Variants in RRM1 observed in about 807,000 individuals in gnomAD.
RRM1 encodes the protein ribonucleotide reductase catalytic subunit M1, also known as ribonucleoside-diphosphate reductase large subunit.
Under a neutral mutation model 101.5 loss-of-function variants are expected in RRM1, and 19 were observed. That is an observed-to-expected ratio of 0.19 (90% CI 0.13 to 0.27). The LOEUF (loss-of-function observed/expected upper bound fraction) is 0.27, where lower values mean the gene tolerates loss of function less well. Ranked by LOEUF, RRM1 falls within the 10% of genes least tolerant of loss-of-function variation. The pLI is 1.00. For missense variants in RRM1, 500 were observed against 962.9 expected, an observed-to-expected ratio of 0.52 and a Z score of 6.36; for synonymous variants, 298 against 323.4, an observed-to-expected ratio of 0.92 and a Z score of 0.84.
rs370863161 is a variant in RRM1, at chr11:4,106,133, A to G, written c.196A>G (p.Thr66Ala). ...LDTLAAETAA[T>A]LTTKHPDYAI... Reference sequence around the variant, plus strand: ...TACTTTGGCTGCTGAAACAGCTGCAACCTTGACTACTAAGCACCCTGACTA... The same window carrying G: ...TACTTTGGCTGCTGAAACAGCTGCAGCCTTGACTACTAAGCACCCTGACTA... Residue 66 changes from threonine to alanine, a missense_variant, in exon 3 of 19, where the codon ACC (threonine) becomes GCC (alanine). Physicochemically the swap from Thr to Ala is moderately conservative, Grantham distance 58 (BLOSUM62 0). Coordinates refer to ENST00000300738, the MANE Select transcript of RRM1 (RefSeq NM_001033.5). 3 of 1,614,050 alleles carry G rather than the reference A, an allele frequency of 1.9e-6. No homozygotes were observed. The highest frequency in any genetic ancestry group is 2.2e-5 in the East Asian group (1 of 44,878).
Position 4,095,024 on chromosome 11 carries a change from C to G in RRM1, c.12C>G (p.Ile4Met). The G allele has an allele frequency of 1.3e-6, 2 of 1,570,254 alleles. No homozygotes were observed. Among genetic ancestry groups the G allele is most frequent in the Non-Finnish European group, 1.7e-6 (2 of 1,157,676 alleles). MHV[I>M]KRDGRQERVM... ...AGCCACTAGCTGCGATGCATGTGATCAAGCGAGGTGAGGGGGGGACGAGGT... is the reference window on the plus strand; with the variant it reads ...AGCCACTAGCTGCGATGCATGTGATGAAGCGAGGTGAGGGGGGGACGAGGT... Residue 4 changes from isoleucine to methionine, a missense_variant, in exon 1 of 19, where the codon ATC becomes ATG. By Grantham distance (10) the Ile-to-Met change is conservative. Transcript: ENST00000300738.
chr11:4,101,802 C>A (rs2094551801), intron 1 of RRM1, 191 bp from the exon 2 acceptor site: 2 of 565,466 alleles, frequency 3.5e-6, no homozygotes, highest in Non-Finnish European at 6.2e-6. Context: ...GTATAGAATT[C>A]ATACTCTTTG....
At chr11:4,123,452 C>G (rs1590726745) in intron 12 of RRM1, 68 bp downstream of exon 12, 14 of 1,270,494 alleles carry the variant, frequency 1.1e-5, no homozygotes, top group Non-Finnish European at 1.6e-5. Flanking sequence ...TTGTGAATTC[C>G]TCACTTGATT....
chr11:4,111,770 A>G (rs1477755584), intron 6 of RRM1, 130 bp downstream of exon 6: 4 of 1,191,048 alleles, frequency 3.4e-6, no homozygotes, highest in African/African-American at 1.5e-5. Flanking sequence ...TAGTTTGTGG[A>G]TAATTGTCCT....
At chr11:4,114,721 G>A (rs1417009636) in intron 7 of RRM1, among the ~76,000 whole-genome samples, 1 of 151,950 alleles carries the variant, frequency 6.6e-6, no homozygotes, top group Non-Finnish European at 1.5e-5. Flanking sequence ...GACTTTTTTT[G>A]TTTGTTTTTA....
intron 15 of RRM1, among the ~76,000 whole-genome samples, chr11:4,130,086 A>ATATATATATATATTT (rs1202870487): frequency 5.0e-5 from 5 of 99,484 alleles, no homozygotes; most frequent in African/African-American, 2.7e-4. Flanking sequence ...ATATATATAT[A>ATATATATATATATTT]TTTTTTTTTT....
intron 1 of RRM1, among the ~76,000 whole-genome samples, chr11:4,101,749 G>A (rs1565178770): frequency 6.6e-6 from 1 of 152,136 alleles, no homozygotes; most frequent in Non-Finnish European, 1.5e-5. Flanking sequence ...CTGCCATGTG[G>A]GATGGGGGAA....
At chr11:4,127,320 A>T in intron 14 of RRM1, 64 bp downstream of exon 14, 1 of 987,330 alleles carries the variant, frequency 1.0e-6, no homozygotes, top group Non-Finnish European at 1.5e-6. Flanking sequence ...TGGTGACCCC[A>T]CAAAAGGATA....
intron 18 of RRM1, 126 bp downstream of exon 18, chr11:4,135,396 C>T (rs1380718052): frequency 1.6e-5 from 11 of 676,444 alleles, no homozygotes; most frequent in South Asian, 5.8e-5. Context: ...AAATCCAGAA[C>T]GTTAAAACCA....
At chr11:4,109,154 C>T (rs1280812749) in intron 4 of RRM1, among the ~76,000 whole-genome samples, 1 of 151,776 alleles carries the variant, frequency 6.6e-6, no homozygotes, top group Non-Finnish European at 1.5e-5. Flanking sequence ...AGCCTGCTTC[C>T]TGTCATTGTT....
At chr11:4,122,320 G>A (rs1756394857) in intron 11 of RRM1, 100 bp downstream of exon 11, 1 of 823,904 alleles carries the variant, frequency 1.2e-6, no homozygotes, top group African/African-American at 1.7e-5. Flanking sequence ...ATCTTTTGAA[G>A]CATCTAAGAG....
chr11:4,136,082 A>T (rs2094609199), intron 18 of RRM1, among the ~76,000 whole-genome samples: 1 of 152,092 alleles, frequency 6.6e-6, no homozygotes. Context: ...TTCCAAAGAG[A>T]TAAGCCTGTT....
In RRM1 at chr11:4,109,697, C is replaced by G; in HGVS notation, c.441C>G (p.Gly147=). The change falls in exon 5 of 19, where the codon GGC becomes GGG. Residue 147 remains glycine (G), a synonymous_variant. Coordinates refer to ENST00000300738, the MANE Select transcript of RRM1 (RefSeq NM_001033.5). ...GAGATTTCTCTTACAATTACTTCGG[C>G]TTTAAGGTAAATAATGGGTTTCAAG... The part of the protein sequence containing the change: ...YDRDFSYNYF[G]FKTLERSYLL... 1 of 1,603,652 alleles carries G rather than the reference C, an allele frequency of 6.2e-7. No homozygotes were observed. The highest frequency in any genetic ancestry group is 8.5e-7 in the Non-Finnish European group (1 of 1,173,588).
intron 16 of RRM1, among the ~76,000 whole-genome samples, chr11:4,133,034 A>T (rs549584140): frequency 1.3e-5 from 2 of 152,200 alleles, no homozygotes; most frequent in South Asian, 4.1e-4. Flanking sequence ...CAAACGCCAT[A>T]TGTTTCTTTT....
At chr11:4,121,852 G>A in intron 10 of RRM1, 87 bp downstream of exon 10, 3 of 1,285,556 alleles carry the variant, frequency 2.3e-6, no homozygotes, top group Non-Finnish European at 3.2e-6. Flanking sequence ...CTTAGGAAGA[G>A]CCCATATGTG....
At chr11:4,127,371 A>C in intron 14 of RRM1, 115 bp downstream of exon 14, 6 of 593,876 alleles carry the variant, frequency 1.0e-5, no homozygotes, top group Non-Finnish European at 1.6e-5. Context: ...ATTTAATTTC[A>C]TTTGGTTCAA....
At chr11:4,120,636 G>T (rs1354395581) in intron 9 of RRM1, among the ~76,000 whole-genome samples, 1 of 152,162 alleles carries the variant, frequency 6.6e-6, no homozygotes, top group African/African-American at 2.4e-5. Flanking sequence ...AAAGTGTTGG[G>T]ATTATGGGTG....
rs1274935912 is a variant in RRM1, at chr11:4,138,339, T to A, written c.2335T>A (p.Cys779Ser). The A allele has an allele frequency of 6.2e-7, 1 of 1,611,802 alleles. No individual in the cohort carries two copies. The change falls in exon 19 of 19, where the codon TGC becomes AGC. Residue 779 changes from cysteine (C) to serine (S), a missense_variant. Transcript: ENST00000300738. ...GGAGAGGAACACAGCAGCCATGGTG[T>A]GCTCTTTGGAGAATAGAGATGAATG... Reference protein sequence around the residue: ...EKERNTAAMVCSLENRDECLM... With the variant: ...EKERNTAAMVSSLENRDECLM...
At chr11:4,108,142 A>G (rs983597166) in intron 4 of RRM1, among the ~76,000 whole-genome samples, 1 of 152,192 alleles carries the variant, frequency 6.6e-6, no homozygotes, top group Admixed American at 6.5e-5. Flanking sequence ...TTACAAGCTC[A>G]TGCTCAGCAA....
Sources: allele counts gnomAD v4.1 joint callset (sites outside exome capture counted in the v4.1 genomes callset), GRCh38; gene constraint gnomAD v4.1.1; transcripts MANE v1.5; gene names NCBI Gene and HGNC (gene_info 2026-07-23, HGNC 2026-07-21).